The following LDB2 variants were observed in gnomAD, a reference collection of about 807,000 sequenced individuals.
The protein encoded by LDB2 is LIM domain-binding protein 2.
A neutral mutation model predicts 44.3 loss-of-function variants in LDB2; 12 were observed. The observed-to-expected ratio is 0.27, with a 90% confidence interval of 0.17 to 0.44. LDB2 has a LOEUF of 0.44. Among genes scored for constraint, LDB2 ranks in the 20% least tolerant of loss-of-function variants. The pLI, the probability that LDB2 is intolerant of heterozygous loss-of-function variation, is 1.00. For synonymous variants in LDB2, 164 were observed against 174.8 expected (o/e 0.94, Z 0.49); for missense variants, 344 against 473.5 (o/e 0.73, Z 2.54).
At chr4:16,573,192 T>C (rs1747192237) in intron 5 of LDB2, among the ~76,000 whole-genome samples, 1 of 152,218 alleles carries the variant, frequency 6.6e-6, no homozygotes, top group Admixed American at 6.5e-5. Context: ...TTCCATTAGG[T>C]GCATATAGTT....
Position 16,542,104 on chromosome 4 carries a change from G to GC in LDB2, c.616-30001_616-30000insG, listed in dbSNP as rs983487673. ...TCCTTCCAATTACATCAGGTGGTGG[G>GC]GGGGGGGGCGCGAGCAGGAGGGCAT... is the stretch of plus-strand genomic sequence containing the variant. On this transcript the variant is annotated intron_variant, in intron 5 of 7. Coordinates refer to ENST00000304523, the MANE Select transcript of LDB2 (RefSeq NM_001290.5). Among the ~76,000 whole-genome samples the GC allele has an allele frequency of 1.6e-4, 24 of 147,620 alleles. 1 individual carries two copies. Among genetic ancestry groups the GC allele is most frequent in the East Asian group, 4.3e-4 (2 of 4,614 alleles).
intron 5 of LDB2, among the ~76,000 whole-genome samples, chr4:16,521,378 C>T (rs574195623): frequency 1.3e-5 from 2 of 152,178 alleles, no homozygotes; most frequent in Admixed American, 1.3e-4. Context: ...CTGCACATGG[C>T]CTTTACCCTA....
chr4:16,775,689 C>T (rs898086694), intron 1 of LDB2, among the ~76,000 whole-genome samples: 2 of 152,106 alleles, frequency 1.3e-5, no homozygotes, highest in African/African-American at 4.8e-5. Context: ...GTATCAGTGC[C>T]TCTTTGTTGG....
intron 2 of LDB2, among the ~76,000 whole-genome samples, chr4:16,750,287 T>C (rs1447337854): frequency 6.6e-6 from 1 of 152,220 alleles, no homozygotes; most frequent in Non-Finnish European, 1.5e-5. Context: ...TTAGAGTTCA[T>C]CGTGTATGGG....
intron 5 of LDB2, chr4:16,581,339 A>G: frequency 1.2e-6 from 1 of 865,898 alleles, no homozygotes; most frequent in Non-Finnish European, 1.4e-6. Flanking sequence ...GCTAGTAAGA[A>G]GATGATGTTC....
intron 1 of LDB2, among the ~76,000 whole-genome samples, chr4:16,864,489 G>A (rs543065584): frequency 6.6e-6 from 1 of 152,094 alleles, no homozygotes; most frequent in Non-Finnish European, 1.5e-5. Context: ...TGTAAGACTC[G>A]GGTAAAATGT....
At chr4:16,689,352 C>T (rs569970944) in intron 2 of LDB2, among the ~76,000 whole-genome samples, 1 of 152,330 alleles carries the variant, frequency 6.6e-6, no homozygotes, top group Admixed American at 6.5e-5. Flanking sequence ...CCTACCGATT[C>T]CTTAAGATCT....
chr4:16,891,933 C>T (rs559709498), intron 1 of LDB2, among the ~76,000 whole-genome samples: 1 of 152,280 alleles, frequency 6.6e-6, no homozygotes, highest in African/African-American at 2.4e-5. Flanking sequence ...GCTAAACTAC[C>T]GTCTATTTGA....
At chr4:16,676,824 A>C (rs1746451423) in intron 2 of LDB2, among the ~76,000 whole-genome samples, 2 of 152,230 alleles carry the variant, frequency 1.3e-5, no homozygotes, top group African/African-American at 4.8e-5. Flanking sequence ...GTCAAGGAAG[A>C]GTTCTGGACA....
intron 1 of LDB2, among the ~76,000 whole-genome samples, chr4:16,797,437 T>C (rs1164183573): frequency 6.6e-6 from 1 of 152,180 alleles, no homozygotes; most frequent in Non-Finnish European, 1.5e-5. Context: ...TCTACCGTCA[T>C]TGCAATTCTT....
At chr4:16,774,849 T>C (rs1448159143) in intron 1 of LDB2, among the ~76,000 whole-genome samples, 1 of 152,214 alleles carries the variant, frequency 6.6e-6, no homozygotes, top group Non-Finnish European at 1.5e-5. Flanking sequence ...TAAATGCTCA[T>C]AGCTTCATTG....
Position 16,863,267 on chromosome 4 carries a change from C to T in LDB2, c.132+35087G>A, listed in dbSNP as rs145411830. On this transcript the variant is annotated intron_variant, in intron 1 of 7. Coordinates refer to ENST00000304523, the MANE Select transcript of LDB2 (RefSeq NM_001290.5). ...GAAAGCAGAAAGAGAGGAGAGTTTA[C>T]CATGTTTTCTGCAATATCACCTCCC... Among the ~76,000 whole-genome samples, 599 of 152,260 alleles carry T rather than the reference C, an allele frequency of 3.9e-3. 3 individuals carry two copies. The highest frequency in any genetic ancestry group is 0.014 in the African/African-American group (576 of 41,562).
intron 2 of LDB2, among the ~76,000 whole-genome samples, chr4:16,637,109 A>G (rs1733804978): frequency 6.6e-6 from 1 of 152,168 alleles, no homozygotes; most frequent in South Asian, 2.1e-4. Flanking sequence ...GCTGTAAATC[A>G]CTGGCTTTGG....
At position 16,652,858 on chromosome 4, in the gene LDB2, C is replaced by T. The variant is rs570100644; in HGVS notation, c.236-56983G>A. Among the ~76,000 whole-genome samples, 4 of 152,206 alleles carry T rather than the reference C, an allele frequency of 2.6e-5. No homozygotes were observed. The East Asian group carries it at 7.7e-4, about 29-fold the overall frequency. On this transcript the variant is annotated intron_variant, in intron 2 of 7. Coordinates refer to ENST00000304523, the MANE Select transcript of LDB2 (RefSeq NM_001290.5). ...AGAGAAGCCTCCATTTGCTGACTGTCGTGAAGGGAACACTCAGGAGGAGCT... is the reference window on the plus strand; with the variant it reads ...AGAGAAGCCTCCATTTGCTGACTGTTGTGAAGGGAACACTCAGGAGGAGCT...
chr4:16,502,776 G>T lies in LDB2; in HGVS notation c.989C>A (p.Ala330Glu). The T allele has an allele frequency of 6.2e-7, 1 of 1,614,002 alleles. No individual in the cohort carries two copies. Among genetic ancestry groups the T allele is most frequent in the East Asian group, 2.2e-5 (1 of 44,854 alleles). Residue 330 changes from alanine (A) to glutamate (E), a missense_variant, in exon 8 of 8, where the codon GCG (alanine) becomes GAG (glutamate). Coordinates refer to ENST00000304523, the MANE Select transcript of LDB2 (RefSeq NM_001290.5). ...ITRLENTQYD[A>E]ANGMDDEEDF... ...CTCCTCGTCGTCCATGCCGTTGGCC[G>T]CATCATATTGCGTGTTTTCTAATCT...
chr4:16,850,651 G>A (rs1283618341), intron 1 of LDB2, among the ~76,000 whole-genome samples: 1 of 152,126 alleles, frequency 6.6e-6, no homozygotes, highest in Non-Finnish European at 1.5e-5. Flanking sequence ...CCCCTAGAAT[G>A]ATAATCCCTT....
chr4:16,761,723 A>G (rs1487064409), intron 1 of LDB2, among the ~76,000 whole-genome samples: 1 of 152,198 alleles, frequency 6.6e-6, no homozygotes, highest in African/African-American at 2.4e-5. Context: ...CAGGAGATAA[A>G]ATCTGCAGGA....
intron 1 of LDB2, among the ~76,000 whole-genome samples, chr4:16,836,268 A>C (rs893136668): frequency 2.6e-5 from 4 of 152,202 alleles, no homozygotes; most frequent in African/African-American, 9.6e-5. Context: ...CAAATTATTG[A>C]GCTTGTGGGA....
chr4:16,813,392 C>T (rs567386523), intron 1 of LDB2, among the ~76,000 whole-genome samples: 2 of 152,088 alleles, frequency 1.3e-5, no homozygotes, highest in Admixed American at 6.5e-5. Flanking sequence ...CAATGAGAGC[C>T]CAATGCATAG....
Sources: gnomAD v4.1 joint callset for allele counts (sites outside exome capture counted in the v4.1 genomes callset) on GRCh38, gnomAD v4.1.1 for gene constraint, MANE v1.5 for transcripts, NCBI Gene and HGNC (gene_info 2026-07-23, HGNC 2026-07-21) for gene names.